The following ADCK1 variants were observed in gnomAD, a reference collection of about 807,000 sequenced individuals.
ADCK1 encodes the protein aarF domain-containing protein kinase 1.
Under a neutral mutation model 52.3 loss-of-function variants are expected in ADCK1, and 41 were observed. The observed-to-expected ratio is 0.78, with a 90% CI of 0.61 to 1.02. The LOEUF is 1.02. ADCK1 is among the 50% of genes least tolerant of loss of function. The pLI is 0.00. For synonymous variants in ADCK1, 250 were observed against 274.6 expected (o/e 0.91, Z 0.89); for missense variants, 658 against 679.5 (o/e 0.97, Z 0.35).
intron 5 of ADCK1, among the ~76,000 whole-genome samples, chr14:77,894,733 C>CTTTTTTTTTTTTTTTTTT (rs1566710773): frequency 2.6e-5 from 1 of 38,402 alleles, no homozygotes; most frequent in Non-Finnish European, 6.0e-5. Flanking sequence ...CTTTTCTTTT[C>CTTTTTTTTTTTTTTTTTT]TTGTTTTTTT....
chr14:77,898,063 A>G (rs1566714388), intron 5 of ADCK1, among the ~76,000 whole-genome samples: 1 of 152,124 alleles, frequency 6.6e-6, no homozygotes, highest in Non-Finnish European at 1.5e-5. Flanking sequence ...CTTGAGACCA[A>G]CCTGGGCAAC....
At chr14:77,819,288 C>T (rs2081531783) in intron 2 of ADCK1, among the ~76,000 whole-genome samples, 175 bp downstream of exon 2, 1 of 152,130 alleles carries the variant, frequency 6.6e-6, no homozygotes, top group South Asian at 2.1e-4. Flanking sequence ...CCTCATATTC[C>T]TTTATTCCTG....
At chr14:77,809,407 A>G (rs1204575050) in intron 1 of ADCK1, among the ~76,000 whole-genome samples, 3 of 152,004 alleles carry the variant, frequency 2.0e-5, no homozygotes, top group Non-Finnish European at 2.9e-5. Context: ...TTGGCTCACT[A>G]CAATTACCGC....
intron 2 of ADCK1, among the ~76,000 whole-genome samples, chr14:77,820,304 G>T (rs1376712215): frequency 1.3e-5 from 2 of 149,516 alleles, no homozygotes; most frequent in African/African-American, 4.9e-5. Flanking sequence ...TTTATTTTAT[G>T]ATATATATAT....
chr14:77,886,937 CACACGCACA>C (rs11276885), intron 4 of ADCK1, among the ~76,000 whole-genome samples, 145 bp from the exon 5 acceptor site: 6,495 of 140,382 alleles, frequency 0.046, 281 homozygotes, highest in African/African-American at 0.13. Flanking sequence ...CACACACACA[CACACGCACA>C]ACACACACAC....
chr14:77,848,252 G>A (rs1049242086), intron 3 of ADCK1, among the ~76,000 whole-genome samples: 1 of 152,174 alleles, frequency 6.6e-6, no homozygotes, highest in Non-Finnish European at 1.5e-5. Flanking sequence ...ATGGGCAGCA[G>A]AGTGTAGAGA....
chr14:77,933,576 C>T lies in ADCK1; in HGVS notation c.*185C>T. 3.1e-6 allele frequency: 2 copies of T among 636,988 alleles called. No homozygotes were observed. Among genetic ancestry groups the T allele is most frequent in the Non-Finnish European group, 5.3e-6 (2 of 374,984 alleles). The allele number at this position is 636,988 out of a possible 1,614,324, so 39.5% of individuals were successfully genotyped here. Reference sequence around the variant, plus strand: ...ACTGTGGCCCTTGTCTCAGGGCCCACAAGCTGAACTGTGGCATAGCTCTCT... The same window carrying T: ...ACTGTGGCCCTTGTCTCAGGGCCCATAAGCTGAACTGTGGCATAGCTCTCT... On this transcript the variant is annotated 3_prime_UTR_variant, in exon 11 of 11. Coordinates refer to ENST00000238561, the MANE Select transcript of ADCK1 (RefSeq NM_020421.4).
At position 77,838,015 on chromosome 14, in the gene ADCK1, G is replaced by A. The variant is rs757428152; in HGVS notation, c.219+15497G>A. Among the ~76,000 whole-genome samples the A allele has an allele frequency of 4.6e-5, 7 of 152,194 alleles. No individual in the cohort carries two copies. In the South Asian group the frequency reaches 1.4e-3, roughly 32 times the overall value. ...TAATAAAATTGACGGAAGGCACTCC[G>A]CAGCCGTAAGGGTGATCGAGATGCT... On this transcript the variant is annotated intron_variant, in intron 3 of 10. Transcript: ENST00000238561.
intron 3 of ADCK1, among the ~76,000 whole-genome samples, chr14:77,848,817 G>A (rs913237038): frequency 6.8e-6 from 1 of 147,382 alleles, no homozygotes; most frequent in Admixed American, 6.8e-5. Context: ...AGGCTGAGGT[G>A]CAGTGGTGTA....
chr14:77,857,312 C>G (rs1056026785), intron 3 of ADCK1, among the ~76,000 whole-genome samples: 4 of 151,748 alleles, frequency 2.6e-5, no homozygotes, highest in Admixed American at 6.6e-5. Context: ...GACCCTTTCT[C>G]AAAAAAAATT....
chr14:77,859,234 C>A lies in ADCK1; in HGVS notation c.378C>A (p.Ser126Arg). ...KVLHSQAPQS[S>R]MQEIRQVIRE... ...TGCACAGCCAGGCTCCACAGAGCAG[C>A]ATGCAAGAGATCCGCCAGGTCATCC... The change falls in exon 4 of 11, where the codon AGC becomes AGA. Residue 126 changes from serine (S) to arginine (R), a missense_variant. By Grantham distance (110) the Ser-to-Arg change is moderately radical. Transcript: ENST00000238561. The A allele has an allele frequency of 1.2e-6, 2 of 1,614,012 alleles. No individual in the cohort carries two copies. The highest frequency in any genetic ancestry group is 4.5e-5 in the East Asian group (2 of 44,874).
At chr14:77,827,095 T>C (rs2081726126) in intron 3 of ADCK1, among the ~76,000 whole-genome samples, 1 of 151,982 alleles carries the variant, frequency 6.6e-6, no homozygotes, top group Admixed American at 6.6e-5. Context: ...GGCTCACGCC[T>C]GTAATCCCAG....
intron 3 of ADCK1, among the ~76,000 whole-genome samples, chr14:77,847,306 T>A (rs746562314): frequency 5.6e-4 from 85 of 152,106 alleles, no homozygotes; most frequent in Non-Finnish European, 1.1e-3. Flanking sequence ...CGCTGTGGCC[T>A]ACACCTGTAA....
intron 1 of ADCK1, among the ~76,000 whole-genome samples, chr14:77,809,018 T>C (rs2081283767): frequency 6.6e-6 from 1 of 152,170 alleles, no homozygotes; most frequent in African/African-American, 2.4e-5. Context: ...TTCTGAGTGA[T>C]TGGCTCACAA....
At position 77,924,440 on chromosome 14, in the gene ADCK1, C is replaced by A. The variant is rs753619346; in HGVS notation, c.859-17C>A. On this transcript the variant is annotated splice_polypyrimidine_tract_variant and intron_variant, in intron 7 of 10. Transcript: ENST00000238561. ...GTGAGTGGAGAGGAGCTCCCACCTG[C>A]CCCTCTTCTCTTTCAGATCTCACGC... 1.9e-6 allele frequency: 3 copies of A among 1,613,010 alleles called. No homozygotes were observed. The highest frequency in any genetic ancestry group is 2.5e-6 in the Non-Finnish European group (3 of 1,179,564).
At position 77,829,532 on chromosome 14, in the gene ADCK1, A is replaced by T. The variant is rs533261094; in HGVS notation, c.219+7014A>T. ...AGCTGGTCTTGAACTCCTGGCCTCA[A>T]GTGATCCTGGTGCCTTGGCCTCCCA... On this transcript the variant is annotated intron_variant, in intron 3 of 10. Coordinates refer to ENST00000238561, the MANE Select transcript of ADCK1 (RefSeq NM_020421.4). Among the ~76,000 whole-genome samples the T allele has an allele frequency of 2.0e-5, 3 of 151,340 alleles. No homozygotes were observed. In the East Asian group the frequency reaches 5.9e-4, roughly 30 times the overall value.
intron 5 of ADCK1, among the ~76,000 whole-genome samples, chr14:77,898,028 C>G (rs1247511738): frequency 6.6e-6 from 1 of 152,146 alleles, no homozygotes; most frequent in African/African-American, 2.4e-5. Context: ...TAGGCTGAGG[C>G]AGGAGGACTG....
At chr14:77,860,071 T>C (rs1210171190) in intron 4 of ADCK1, among the ~76,000 whole-genome samples, 1 of 152,180 alleles carries the variant, frequency 6.6e-6, no homozygotes, top group Non-Finnish European at 1.5e-5. Flanking sequence ...GGCAGGGTGC[T>C]AGGTGCTGGG....
intron 5 of ADCK1, among the ~76,000 whole-genome samples, chr14:77,888,959 G>T (rs1423678983): frequency 2.6e-5 from 4 of 152,194 alleles, no homozygotes; most frequent in Non-Finnish European, 4.4e-5. Flanking sequence ...TGTGGGGGGG[G>T]ACCTGGTGGG....
Sources: gnomAD v4.1 joint callset for allele counts (sites outside exome capture counted in the v4.1 genomes callset) on GRCh38, gnomAD v4.1.1 for gene constraint, MANE v1.5 for transcripts, NCBI Gene and HGNC (gene_info 2026-07-23, HGNC 2026-07-21) for gene names.